The following DOCK4 variants were observed in gnomAD, a reference collection of about 807,000 sequenced individuals.
The protein encoded by DOCK4 is dedicator of cytokinesis 4.
In DOCK4, 97 loss-of-function variants were observed where a neutral mutation model predicts 268.1. That is an observed-to-expected ratio of 0.36 (90% CI 0.31 to 0.43). The LOEUF (loss-of-function observed/expected upper bound fraction) is 0.43, where lower values mean the gene tolerates loss of function less well. Ranked by LOEUF, DOCK4 falls within the 20% of genes least tolerant of loss-of-function variation. DOCK4 has a pLI of 1.00. For synonymous variants in DOCK4, 954 were observed against 887.2 expected (o/e 1.08, Z -1.34); for missense variants, 2,145 against 2,455.7 (o/e 0.87, Z 2.67).
chr7:112,142,840 C>T (rs1012163333), intron 1 of DOCK4, among the ~76,000 whole-genome samples: 12 of 152,030 alleles, frequency 7.9e-5, no homozygotes, highest in Non-Finnish European at 1.5e-5. Flanking sequence ...GGCATATACC[C>T]TTCTGCAACT....
intron 25 of DOCK4, 50 bp downstream of exon 25, chr7:111,844,713 T>A: frequency 6.4e-7 from 1 of 1,559,420 alleles, no homozygotes; most frequent in South Asian, 1.2e-5. Context: ...GCAACGTGAC[T>A]GAAGCATAAC....
intron 1 of DOCK4, among the ~76,000 whole-genome samples, chr7:112,203,826 TAC>T (rs3056587): frequency 0.042 from 6,174 of 146,914 alleles, 232 homozygotes; most frequent in African/African-American, 0.1. Flanking sequence ...AAAATTTCAC[TAC>T]ACACACACAC....
At chr7:111,784,692 A>C (rs908762208) in intron 32 of DOCK4, among the ~76,000 whole-genome samples, 2 of 152,190 alleles carry the variant, frequency 1.3e-5, no homozygotes, top group African/African-American at 4.8e-5. Flanking sequence ...AAATAATAAC[A>C]ATCATGATAA....
At chr7:112,163,309 C>A (rs1487457207) in intron 1 of DOCK4, among the ~76,000 whole-genome samples, 1 of 152,022 alleles carries the variant, frequency 6.6e-6, no homozygotes, top group Non-Finnish European at 1.5e-5. Flanking sequence ...CCTCTGTGCA[C>A]AGCATGCTCC....
intron 30 of DOCK4, among the ~76,000 whole-genome samples, chr7:111,799,509 T>C (rs768471247): frequency 6.6e-6 from 1 of 152,140 alleles, no homozygotes; most frequent in African/African-American, 2.4e-5. Context: ...TTCAACCCCT[T>C]TGGCAATAAA....
intron 13 of DOCK4, among the ~76,000 whole-genome samples, chr7:111,911,222 T>C (rs1792073375): frequency 6.6e-6 from 1 of 152,180 alleles, no homozygotes; most frequent in Admixed American, 6.5e-5. Flanking sequence ...TTGCAGACGG[T>C]CAGTGTAACA....
intron 30 of DOCK4, among the ~76,000 whole-genome samples, chr7:111,790,935 G>A (rs1799483022): frequency 6.6e-6 from 1 of 151,150 alleles, no homozygotes. Context: ...GTGGGTGCCT[G>A]TAGTCCCAGC....
intron 20 of DOCK4, among the ~76,000 whole-genome samples, chr7:111,870,272 T>A (rs1806302880): frequency 6.6e-6 from 1 of 152,056 alleles, no homozygotes; most frequent in Non-Finnish European, 1.5e-5. Context: ...ATGACAGTCT[T>A]ACACCTTGAA....
intron 42 of DOCK4, among the ~76,000 whole-genome samples, chr7:111,750,774 T>C (rs1016653706): frequency 6.6e-6 from 1 of 152,196 alleles, no homozygotes; most frequent in Non-Finnish European, 1.5e-5. Flanking sequence ...GAAAACAGAC[T>C]CAGGAGCCAT....
At chr7:111,858,646 C>T (rs1805215552) in intron 23 of DOCK4, among the ~76,000 whole-genome samples, 1 of 152,192 alleles carries the variant, frequency 6.6e-6, no homozygotes, top group Admixed American at 6.5e-5. Flanking sequence ...CTTCTCAGGC[C>T]TTTGGTCTCA....
At chr7:111,905,683 ATGTGTGTG>A (rs145889951) in intron 13 of DOCK4, among the ~76,000 whole-genome samples, 5 of 147,622 alleles carry the variant, frequency 3.4e-5, no homozygotes, top group African/African-American at 7.5e-5. Context: ...ATATGCATGT[ATGTGTGTG>A]TGTGTGTGTG....
chr7:112,002,215 T>G (rs1276929348), intron 2 of DOCK4, among the ~76,000 whole-genome samples: 1 of 152,094 alleles, frequency 6.6e-6, no homozygotes, highest in Non-Finnish European at 1.5e-5. Flanking sequence ...GAACTGAAAA[T>G]CAGAATCTCT....
At chr7:112,168,946 C>T (rs983177056) in intron 1 of DOCK4, among the ~76,000 whole-genome samples, 5 of 152,184 alleles carry the variant, frequency 3.3e-5, no homozygotes, top group African/African-American at 7.2e-5. Flanking sequence ...TAGAAAACTA[C>T]ACATATATGT....
chr7:111,996,742 C>T (rs766627526), intron 4 of DOCK4, among the ~76,000 whole-genome samples: 71 of 152,140 alleles, frequency 4.7e-4, no homozygotes, highest in Non-Finnish European at 8.1e-4. Context: ...ACTTTACCCA[C>T]ATTTAAACTT....
chr7:112,118,073 T>C (rs1232513352), intron 1 of DOCK4, among the ~76,000 whole-genome samples: 1 of 152,092 alleles, frequency 6.6e-6, no homozygotes. Flanking sequence ...TCATTTTGCT[T>C]ATTGAACCGT....
intron 1 of DOCK4, among the ~76,000 whole-genome samples, chr7:112,127,675 AAAC>A (rs1160535109): frequency 6.6e-6 from 1 of 152,192 alleles, no homozygotes; most frequent in East Asian, 1.9e-4. Context: ...ATAAAAATAA[AAAC>A]AACAACAACA....
intron 3 of DOCK4, among the ~76,000 whole-genome samples, chr7:111,999,642 G>A (rs977356306): frequency 6.6e-6 from 1 of 151,752 alleles, no homozygotes; most frequent in Admixed American, 6.6e-5. Context: ...TCCCCTTTAG[G>A]ATGACCTAAA....
intron 40 of DOCK4, 60 bp from the exon 41 acceptor site, chr7:111,758,850 G>A (rs1182447954): frequency 6.5e-7 from 1 of 1,531,230 alleles, no homozygotes; most frequent in Non-Finnish European, 9.0e-7. Context: ...AGTCTGGCTT[G>A]GGCTGAGCTA....
At chr7:111,990,336 C>G (rs1440438920) in intron 5 of DOCK4, among the ~76,000 whole-genome samples, 2 of 152,118 alleles carry the variant, frequency 1.3e-5, no homozygotes, top group African/African-American at 4.8e-5. Flanking sequence ...CTTTGTCTTT[C>G]TTAACCAGCA....
Sources: allele counts gnomAD v4.1 joint callset (sites outside exome capture counted in the v4.1 genomes callset), GRCh38; gene constraint gnomAD v4.1.1; transcripts MANE v1.5; gene names NCBI Gene and HGNC (gene_info 2026-07-23, HGNC 2026-07-21).